ARMH4: variants seen among roughly 807,000 people sequenced by gnomAD.
The protein encoded by ARMH4 is armadillo-like helical domain-containing protein 4.
Under a neutral mutation model 61.9 loss-of-function variants are expected in ARMH4, and 49 were observed. That is an observed-to-expected ratio of 0.79 (90% CI 0.63 to 1.00). The LOEUF is 1.00. Ranked by LOEUF, ARMH4 falls within the 50% of genes least tolerant of loss-of-function variation. The pLI, the probability that ARMH4 is intolerant of heterozygous loss-of-function variation, is 0.00. For synonymous variants in ARMH4, 368 were observed against 341.5 expected, an observed-to-expected ratio of 1.08 and a Z score of -0.85; for missense variants, 934 against 930.0, an observed-to-expected ratio of 1.00 and a Z score of -0.06.
intron 5 of ARMH4, among the ~76,000 whole-genome samples, chr14:58,032,659 G>A (rs1196390237): frequency 6.6e-6 from 1 of 151,914 alleles, no homozygotes; most frequent in Non-Finnish European, 1.5e-5. Flanking sequence ...TCTCACTAGG[G>A]AGTGCCAGAC....
rs576414072 is a variant in ARMH4, at chr14:58,133,249, T to G, written c.1462A>C (p.Ile488Leu). The stretch of plus-strand genomic sequence containing the variant: ...TCCTCAGTCTTGCCACTGTCTCTGA[T>G]AAGCTCGAGGGTAGCAACCTGCTCT... ...TQEQVATLEL[I>L]RDSGKTEEEK... Residue 488 changes from isoleucine to leucine, a missense_variant, in exon 3 of 8, where the codon ATC becomes CTC. By Grantham distance (5) the Ile-to-Leu change is conservative. Coordinates refer to ENST00000267485, the MANE Select transcript of ARMH4 (RefSeq NM_001001872.4). The G allele has an allele frequency of 6.2e-7, 1 of 1,614,180 alleles. No homozygotes were observed. The highest frequency in any genetic ancestry group is 1.7e-5 in the Admixed American group (1 of 60,018).
intron 4 of ARMH4, among the ~76,000 whole-genome samples, chr14:58,119,346 G>C (rs1368930928): frequency 6.6e-6 from 1 of 152,178 alleles, no homozygotes; most frequent in Non-Finnish European, 1.5e-5. Flanking sequence ...TTTAAGGTTT[G>C]TAATTGTTTG....
intron 5 of ARMH4, among the ~76,000 whole-genome samples, chr14:58,084,189 G>T (rs1359423791): frequency 6.7e-6 from 1 of 150,086 alleles, no homozygotes; most frequent in Non-Finnish European, 1.5e-5. Flanking sequence ...AGAAGAAAAG[G>T]CTGCAAGGTT....
chr14:58,117,281 T>C (rs937130262), intron 4 of ARMH4, among the ~76,000 whole-genome samples: 1 of 152,238 alleles, frequency 6.6e-6, no homozygotes, highest in Non-Finnish European at 1.5e-5. Context: ...TCTGGAATAA[T>C]ATCTTTTTCT....
chr14:58,062,814 C>T (rs1466299040), intron 5 of ARMH4, among the ~76,000 whole-genome samples: 2 of 152,208 alleles, frequency 1.3e-5, no homozygotes, highest in African/African-American at 2.4e-5. Flanking sequence ...TTTGCAGCCC[C>T]TCCTGGGAGG....
chr14:58,137,327 A>C (rs1206067876), intron 2 of ARMH4, among the ~76,000 whole-genome samples: 1 of 152,248 alleles, frequency 6.6e-6, no homozygotes, highest in African/African-American at 2.4e-5. Flanking sequence ...GGAAGGGGAA[A>C]GCAAAATAAA....
rs535893927 is a variant in ARMH4, at chr14:58,044,086, A to C, written c.2090-31936T>G. 6.6e-5 allele frequency among the ~76,000 whole-genome samples: 10 copies of C among 152,300 alleles called. No homozygotes were observed. In the East Asian group the frequency reaches 1.9e-3, roughly 29 times the overall value. On this transcript the variant is annotated intron_variant, in intron 5 of 7. Coordinates refer to ENST00000267485, the MANE Select transcript of ARMH4 (RefSeq NM_001001872.4). ...TGCCATCCCCATCAAGCTACCAATG[A>C]CTTTCTTCACAGAATTGGAAAAAAC...
At chr14:58,044,843 C>G (rs972517151) in intron 5 of ARMH4, among the ~76,000 whole-genome samples, 1 of 152,142 alleles carries the variant, frequency 6.6e-6, no homozygotes, top group Admixed American at 6.5e-5. Flanking sequence ...TTTATACAGC[C>G]AACAGACACA....
chr14:58,131,873 G>A (rs1887121277), intron 3 of ARMH4, 152 bp from the exon 4 acceptor site: 1 of 648,092 alleles, frequency 1.5e-6, no homozygotes, highest in Non-Finnish European at 2.7e-6. Flanking sequence ...TTCCCATATT[G>A]TATTAATCCA....
Position 58,139,408 on chromosome 14 carries a change from T to C in ARMH4, c.-50A>G, listed in dbSNP as rs200900234. 285 of 1,553,814 alleles carry C rather than the reference T, an allele frequency of 1.8e-4. 1 individual carries two copies. The highest frequency in any genetic ancestry group is 1.5e-4 in the Non-Finnish European group (165 of 1,131,662). On this transcript the variant is annotated 5_prime_UTR_variant, in exon 2 of 8. Coordinates refer to ENST00000267485, the MANE Select transcript of ARMH4 (RefSeq NM_001001872.4). ...CTGGCAGAGTTGACAAGTCCAGTAA[T>C]TGAATCCTGCAGAAAAATAAAGCAT...
chr14:58,047,858 A>G (rs1456756420), intron 5 of ARMH4, among the ~76,000 whole-genome samples: 2 of 152,186 alleles, frequency 1.3e-5, no homozygotes, highest in Non-Finnish European at 2.9e-5. Context: ...GTCATAAGTC[A>G]AGCAAACCAC....
intron 5 of ARMH4, among the ~76,000 whole-genome samples, chr14:58,061,414 A>G (rs1884526234): frequency 6.6e-6 from 1 of 151,698 alleles, no homozygotes. Context: ...CCTTCCCACC[A>G]CCTTACCGAG....
At chr14:58,065,848 T>C (rs767624903) in intron 5 of ARMH4, among the ~76,000 whole-genome samples, 14 of 152,342 alleles carry the variant, frequency 9.2e-5, no homozygotes, top group African/African-American at 1.9e-4. Context: ...GTGAGCTGCA[T>C]TGTGGTGGGG....
At chr14:58,137,732 CTTTTT>C (rs1243588155) in intron 2 of ARMH4, among the ~76,000 whole-genome samples, 1 of 151,988 alleles carries the variant, frequency 6.6e-6, no homozygotes, top group African/African-American at 2.4e-5. Context: ...TTCTGCTTTT[CTTTTT>C]ATTTTTTAAA....
intron 5 of ARMH4, among the ~76,000 whole-genome samples, chr14:58,041,184 G>T (rs374370176): frequency 1.3e-5 from 2 of 152,276 alleles, no homozygotes; most frequent in African/African-American, 4.8e-5. Context: ...CCCGGGAAGC[G>T]TAAGGGGTCA....
At chr14:58,123,378 T>A (rs189185796) in intron 4 of ARMH4, among the ~76,000 whole-genome samples, 3 of 152,238 alleles carry the variant, frequency 2.0e-5, no homozygotes, top group Non-Finnish European at 4.4e-5. Flanking sequence ...CCAAAGGCAG[T>A]ACCCCCTTAG....
chr14:58,009,948 A>G (rs1328272457), intron 6 of ARMH4, among the ~76,000 whole-genome samples: 3 of 152,146 alleles, frequency 2.0e-5, no homozygotes, highest in Admixed American at 2.0e-4. Flanking sequence ...CTAAACTACA[A>G]CAACAACAGG....
intron 5 of ARMH4, among the ~76,000 whole-genome samples, chr14:58,042,521 A>C (rs560418122): frequency 1.4e-4 from 22 of 152,292 alleles, no homozygotes; most frequent in Non-Finnish European, 2.6e-4. Flanking sequence ...TTGACACCCT[A>C]ACATCACAAT....
At chr14:58,098,597 T>C (rs930728863) in intron 4 of ARMH4, among the ~76,000 whole-genome samples, 2 of 152,224 alleles carry the variant, frequency 1.3e-5, no homozygotes, top group African/African-American at 2.4e-5. Context: ...ATTCTTTTGT[T>C]TAATTTAAGT....
Sources: gnomAD v4.1 joint callset for allele counts (sites outside exome capture counted in the v4.1 genomes callset) on GRCh38, gnomAD v4.1.1 for gene constraint, MANE v1.5 for transcripts, NCBI Gene and HGNC (gene_info 2026-07-23, HGNC 2026-07-21) for gene names.